MINDY1: variants seen among roughly 807,000 people sequenced by gnomAD.
The protein encoded by MINDY1 is ubiquitin carboxyl-terminal hydrolase MINDY-1.
A neutral mutation model predicts 53.6 loss-of-function variants in MINDY1; 50 were observed. That is an observed-to-expected ratio of 0.93 (90% CI 0.74 to 1.18). MINDY1 has a LOEUF of 1.18. MINDY1 is among the 50% of genes most tolerant of loss of function. The pLI is 0.00. For missense variants in MINDY1, 484 were observed against 578.6 expected (o/e 0.84, Z 1.68); for synonymous variants, 231 against 234.7 (o/e 0.98, Z 0.14).
Position 150,997,134 on chromosome 1 carries a change from A to G in MINDY1, c.*153T>C, listed in dbSNP as rs1435187757. 6.6e-6 allele frequency: 5 copies of G among 753,770 alleles called. No homozygotes were observed. The highest frequency in any genetic ancestry group is 1.1e-5 in the Non-Finnish European group (5 of 452,868). 46.7% of individuals were successfully genotyped at this position (753,770 alleles called of 1,614,324 possible). A position where few individuals can be genotyped will look rare whatever the true frequency, so the allele number is the denominator to read the frequency against. ...AGCAGCACGTGAGGTCAAGGACATTACCAAGTCTGACCTTGGCATTTGTTG... is the reference window on the plus strand; with the variant it reads ...AGCAGCACGTGAGGTCAAGGACATTGCCAAGTCTGACCTTGGCATTTGTTG... On this transcript the variant is annotated 3_prime_UTR_variant, in exon 10 of 10. Coordinates refer to ENST00000683666, the MANE Select transcript of MINDY1 (RefSeq NM_001376665.1).
chr1:151,008,059 C>G (rs1673422915), upstream of MINDY1, among the ~76,000 whole-genome samples: 1 of 152,176 alleles, frequency 6.6e-6, no homozygotes, highest in South Asian at 2.1e-4. Flanking sequence ...CATGAACAAC[C>G]ACAAAATTGG....
upstream of MINDY1, chr1:151,008,328 A>C (rs1048287289): frequency 7.6e-7 from 1 of 1,315,146 alleles, no homozygotes; most frequent in Non-Finnish European, 9.8e-7. Context: ...TTGCGGGACT[A>C]CGTTTCCCAC....
chr1:150,998,357 G>A, intron 7 of MINDY1, 84 bp from the exon 8 acceptor site: 1 of 1,342,676 alleles, frequency 7.4e-7, no homozygotes, highest in South Asian at 1.4e-5. Context: ...TGAGCATGTG[G>A]ACTTTTTTTT....
At chr1:151,007,277 G>A (rs1400913231), upstream of MINDY1, among the ~76,000 whole-genome samples, 6 of 152,296 alleles carry the variant, frequency 3.9e-5, no homozygotes, top group East Asian at 3.9e-4. Flanking sequence ...AAGCCAAGGC[G>A]GGCGGATCAC....
intron 4 of MINDY1, among the ~76,000 whole-genome samples, chr1:151,000,931 G>A (rs77964606): frequency 0.061 from 9,280 of 151,844 alleles, 406 homozygotes; most frequent in East Asian, 0.17. Context: ...GGCACGCACC[G>A]CCATACCTGG....
At chr1:151,001,143 C>A in intron 4 of MINDY1, 107 bp downstream of exon 4, 1 of 1,172,814 alleles carries the variant, frequency 8.5e-7, no homozygotes, top group South Asian at 1.3e-5. Flanking sequence ...AGAATGAAAT[C>A]ATGGTTCAAG....
At position 151,001,331 on chromosome 1, in the gene MINDY1, C is replaced by T. The variant is rs777680537; in HGVS notation, c.512-17G>A. Reference sequence around the variant, plus strand: ...GGCAGTTTCCTACAAGACAGGGCCCCTTATCAGCTTACCCCACCAATCATC... The same window carrying T: ...GGCAGTTTCCTACAAGACAGGGCCCTTTATCAGCTTACCCCACCAATCATC... On this transcript the variant is annotated splice_polypyrimidine_tract_variant and intron_variant, in intron 3 of 9. Coordinates refer to ENST00000683666, the MANE Select transcript of MINDY1 (RefSeq NM_001376665.1). 1.9e-6 allele frequency: 3 copies of T among 1,613,874 alleles called. No homozygotes were observed. The highest frequency in any genetic ancestry group is 3.3e-5 in the Admixed American group (2 of 59,956).
upstream of MINDY1, chr1:151,007,043 G>A (rs1242570340): frequency 2.1e-5 from 5 of 233,624 alleles, no homozygotes; most frequent in Non-Finnish European, 3.5e-5. Flanking sequence ...CAAAGAGCAC[G>A]ATATTTGCAT....
At chr1:151,001,179 C>T (rs1197367628) in intron 4 of MINDY1, 71 bp downstream of exon 4, 1 of 1,479,460 alleles carries the variant, frequency 6.8e-7, no homozygotes, top group South Asian at 1.1e-5. Flanking sequence ...GCAACAAAAG[C>T]TTATCTTAGT....
Position 151,006,629 on chromosome 1 carries a change from GA to G in MINDY1, c.-408del. The G allele has an allele frequency of 1.0e-6, 1 of 987,656 alleles. No individual in the cohort carries two copies. Among genetic ancestry groups the G allele is most frequent in the Non-Finnish European group, 1.2e-6 (1 of 831,522 alleles). 61.2% of individuals were successfully genotyped at this position (987,656 alleles called of 1,614,324 possible). ...GTCTATGGCATGCGCTCCGGGCCCT[GA>G]CTACAAGCTGGTTTTCAAAGGAAGT... On this transcript the variant is annotated 5_prime_UTR_variant, in exon 1 of 10. An upstream open reading frame in the 5' UTR gains an earlier in-frame stop. Transcript: ENST00000683666.
Position 151,006,286 on chromosome 1 carries a change from G to C in MINDY1, c.-90+26C>G, listed in dbSNP as rs906020391. ...AGAGAAGGGTGGGAGAAGAGGTGAAGAAGATGATTAAAATAAAGTTTTTAC... is the reference window on the plus strand; with the variant it reads ...AGAGAAGGGTGGGAGAAGAGGTGAACAAGATGATTAAAATAAAGTTTTTAC... On this transcript the variant is annotated intron_variant, in intron 1 of 9. Transcript: ENST00000683666. 5 of 1,431,866 alleles carry C rather than the reference G, an allele frequency of 3.5e-6. No homozygotes were observed. The Admixed American group carries it at 1.4e-4, about 40-fold the overall frequency. The allele number at this position is 1,431,866 out of a possible 1,614,324, so 88.7% of individuals were successfully genotyped here.
chr1:151,008,346 C>G (rs1004185559), upstream of MINDY1: 80 of 1,307,544 alleles, frequency 6.1e-5, no homozygotes, highest in Non-Finnish European at 7.1e-5. Flanking sequence ...CACGTCGCCC[C>G]ACGCCACGCC....
Position 151,002,918 on chromosome 1 carries a change from A to G in MINDY1, c.-89-212T>C. Reference sequence around the variant, plus strand: ...GACCAAGAGGTCGTGGGGCTTCCAGACTTGGGAGGGAAGACTGGTGGGATT... The same window carrying G: ...GACCAAGAGGTCGTGGGGCTTCCAGGCTTGGGAGGGAAGACTGGTGGGATT... On this transcript the variant is annotated intron_variant, in intron 1 of 9. Coordinates refer to ENST00000683666, the MANE Select transcript of MINDY1 (RefSeq NM_001376665.1). This position sits in a 1 kb window ranked among gnomAD's most constrained non-coding sequence, Gnocchi z 4.1. The G allele has an allele frequency of 7.4e-7, 1 of 1,358,750 alleles. No individual in the cohort carries two copies. 84.2% of individuals were successfully genotyped at this position (1,358,750 alleles called of 1,614,324 possible). A position where few individuals can be genotyped will look rare whatever the true frequency, so the allele number is the denominator to read the frequency against.
In MINDY1 at chr1:151,000,580, C is replaced by T. The variant is rs965768225; in HGVS notation, c.612G>A (p.Leu204=). 9 of 1,613,476 alleles carry T rather than the reference C, an allele frequency of 5.6e-6. No individual in the cohort carries two copies. The African/African-American group carries it at 1.2e-4, about 22-fold the overall frequency. Residue 204 remains leucine, a synonymous_variant, in exon 5 of 10, where the codon CTG becomes CTA. Coordinates refer to ENST00000683666, the MANE Select transcript of MINDY1 (RefSeq NM_001376665.1). ...VDDAMTVLPK[L]ATGLDVNVRF... The stretch of plus-strand genomic sequence containing the variant: ...GCACATTGACATCCAGACCTGTGGC[C>T]AGTTTAGGCAGCACTGTCATTGCAT...
Position 150,999,871 on chromosome 1 carries a change from C to T in MINDY1, c.829G>A (p.Val277Met), listed in dbSNP as rs769287826. 67 of 1,613,620 alleles carry T rather than the reference C, an allele frequency of 4.2e-5. No individual in the cohort carries two copies. The highest frequency in any genetic ancestry group is 5.0e-5 in the Admixed American group (3 of 59,956). ...AGGGGAGGAATGTCACCTTCTGTCA[C>T]GAGGTTGGTGTCACTGGAGTGTTTG... ...TCKHSSDTNLVTEGLIAEQFL... is the reference protein window; with the variant it reads ...TCKHSSDTNLMTEGLIAEQFL... The change falls in exon 6 of 10, where the codon GTG becomes ATG. Residue 277 changes from valine (V) to methionine (M), a missense_variant. By Grantham distance (21) the Val-to-Met change is conservative. Transcript: ENST00000683666. This position sits in a 1 kb window ranked among gnomAD's most constrained non-coding sequence, Gnocchi z 4.4.
downstream of MINDY1, chr1:150,996,801 C>G (rs1183584404): frequency 1.3e-5 from 2 of 155,218 alleles, no homozygotes; most frequent in Admixed American, 1.3e-4. Flanking sequence ...ACCTTGGCCT[C>G]TCAAATTGTT....
At chr1:151,001,898 G>T in intron 2 of MINDY1, 116 bp from the exon 3 acceptor site, 1 of 1,112,818 alleles carries the variant, frequency 9.0e-7, no homozygotes. Context: ...AAAAAGGCTT[G>T]CAACTGGCAC....
At chr1:151,000,700 T>C in intron 4 of MINDY1, 85 bp from the exon 5 acceptor site, 1 of 1,447,038 alleles carries the variant, frequency 6.9e-7, no homozygotes, top group South Asian at 1.3e-5. Flanking sequence ...AAATTAACCT[T>C]GCTGCTCTTC....
upstream of MINDY1, chr1:151,008,342 G>C (rs1391938998): frequency 7.7e-7 from 1 of 1,305,444 alleles, no homozygotes; most frequent in Admixed American, 3.4e-5. Context: ...TTCCCACGTC[G>C]CCCCACGCCA....
Sources: gnomAD v4.1 joint callset for allele counts (sites outside exome capture counted in the v4.1 genomes callset) on GRCh38, gnomAD v4.1.1 for gene constraint, Gnocchi (gnomAD v3.1) non-coding constraint, MANE v1.5 for transcripts, NCBI Gene and HGNC (gene_info 2026-07-23, HGNC 2026-07-21) for gene names.